The following MAN1C1 variants were observed in gnomAD, a reference collection of about 807,000 sequenced individuals.
The protein encoded by MAN1C1 is mannosyl-oligosaccharide 1,2-alpha-mannosidase IC.
Under a neutral mutation model 71.5 loss-of-function variants are expected in MAN1C1, and 49 were observed. That is an observed-to-expected ratio of 0.69 (90% CI 0.54 to 0.87). MAN1C1 has a LOEUF of 0.87. Among genes scored for constraint, MAN1C1 ranks in the 40% least tolerant of loss-of-function variants. The probability of loss-of-function intolerance (pLI) is 0.00; values close to 1 mark genes in which losing one functional copy is unlikely to be tolerated. For synonymous variants in MAN1C1, 352 were observed against 343.7 expected, an observed-to-expected ratio of 1.02 and a Z score of -0.27; for missense variants, 743 against 835.0, an observed-to-expected ratio of 0.89 and a Z score of 1.36.
At chr1:25,683,022 A>G (rs2786879) in intron 1 of MAN1C1, among the ~76,000 whole-genome samples, 12,053 of 149,540 alleles carry the variant, frequency 0.081, 690 homozygotes, top group African/African-American at 0.16. Flanking sequence ...TGGACAGCAG[A>G]GTGAGACTCC....
intron 1 of MAN1C1, among the ~76,000 whole-genome samples, chr1:25,619,627 T>G (rs190067109): frequency 7.2e-5 from 11 of 152,318 alleles, no homozygotes; most frequent in Admixed American, 7.2e-4. Flanking sequence ...GGAAACTGAG[T>G]GCTTGGTGTG....
chr1:25,761,441 A>G (rs2124372546), intron 6 of MAN1C1: 1 of 152,258 alleles, frequency 6.6e-6, no homozygotes, highest in East Asian at 1.9e-4. Flanking sequence ...TGAATACTTA[A>G]GTTAGCAACA....
At chr1:25,770,667 T>C (rs2047537659) in intron 7 of MAN1C1, among the ~76,000 whole-genome samples, 1 of 152,166 alleles carries the variant, frequency 6.6e-6, no homozygotes. Context: ...TGGCCCACAA[T>C]AAATGGTAGC....
intron 1 of MAN1C1, among the ~76,000 whole-genome samples, chr1:25,652,344 T>A (rs540034804): frequency 3.3e-5 from 5 of 152,362 alleles, no homozygotes; most frequent in African/African-American, 1.2e-4. Context: ...GCTGGAACTC[T>A]TGTAAGGATC....
intron 1 of MAN1C1, among the ~76,000 whole-genome samples, chr1:25,681,151 G>A (rs377053662): frequency 2.0e-5 from 3 of 151,590 alleles, no homozygotes; most frequent in African/African-American, 4.8e-5. Context: ...GCTTGAACCC[G>A]GCAGGTGGAG....
At chr1:25,665,146 G>A (rs1338478040) in intron 1 of MAN1C1, among the ~76,000 whole-genome samples, 1 of 152,106 alleles carries the variant, frequency 6.6e-6, no homozygotes, top group Non-Finnish European at 1.5e-5. Flanking sequence ...TTTGTGTTAC[G>A]ATCTATTGTA....
intron 1 of MAN1C1, among the ~76,000 whole-genome samples, chr1:25,664,865 T>G (rs3014712): frequency 0.43 from 64,780 of 152,178 alleles, 18,426 homozygotes; most frequent in African/African-American, 0.79. Context: ...TCTCCAGCCA[T>G]TGCTACTTGG....
At chr1:25,700,893 A>G (rs1366211683) in intron 2 of MAN1C1, among the ~76,000 whole-genome samples, 1 of 152,130 alleles carries the variant, frequency 6.6e-6, no homozygotes, top group Non-Finnish European at 1.5e-5. Flanking sequence ...GCAGGCTTGG[A>G]AGGAAGAGGC....
rs1317672174 is a variant in MAN1C1 at position 25,775,467 on chromosome 1, G to A, written c.1258-2638G>A. Among the ~76,000 whole-genome samples the A allele has an allele frequency of 6.6e-6, 1 of 152,256 alleles. No individual in the cohort carries two copies. Among genetic ancestry groups the A allele is most frequent in the East Asian group, 1.9e-4 (1 of 5,204 alleles). Reference sequence around the variant, plus strand: ...AAAACAGACCCAGGAGTGAGCGAGTGTTCCTTGAGCATCTTCTGTGTGTCG... The same window carrying A: ...AAAACAGACCCAGGAGTGAGCGAGTATTCCTTGAGCATCTTCTGTGTGTCG... On this transcript the variant is annotated intron_variant, in intron 8 of 11. Transcript: ENST00000374332. The surrounding 1 kb of genome is among the most constrained non-coding windows in gnomAD (Gnocchi z 5.1).
At chr1:25,736,594 A>C (rs939338949) in intron 2 of MAN1C1, among the ~76,000 whole-genome samples, 1 of 152,060 alleles carries the variant, frequency 6.6e-6, no homozygotes, top group African/African-American at 2.4e-5. Context: ...TGGCGCCATC[A>C]CAGCTCACTG....
At chr1:25,623,454 T>TGGG (rs3835658) in intron 1 of MAN1C1, among the ~76,000 whole-genome samples, 7 of 149,362 alleles carry the variant, frequency 4.7e-5, no homozygotes, top group African/African-American at 1.7e-4. Flanking sequence ...TTAGTGGTGG[T>TGGG]GGGGGGGGGT....
intron 2 of MAN1C1, among the ~76,000 whole-genome samples, chr1:25,687,438 C>T (rs564561251): frequency 1.2e-4 from 19 of 152,276 alleles, no homozygotes; most frequent in African/African-American, 4.6e-4. Flanking sequence ...CCTCCATCTC[C>T]CCTGAGGGAC....
At chr1:25,644,164 C>T (rs930963131) in intron 1 of MAN1C1, among the ~76,000 whole-genome samples, 4 of 152,002 alleles carry the variant, frequency 2.6e-5, no homozygotes, top group South Asian at 4.2e-4. Context: ...CTGAAGATGA[C>T]GTGAGCCATG....
chr1:25,672,895 G>A (rs962928714), intron 1 of MAN1C1, among the ~76,000 whole-genome samples: 1 of 152,154 alleles, frequency 6.6e-6, no homozygotes, highest in Non-Finnish European at 1.5e-5. Context: ...TGGGGCTGGC[G>A]GTTGGAGGCT....
intron 1 of MAN1C1, among the ~76,000 whole-genome samples, chr1:25,632,859 A>G (rs1248118363): frequency 1.4e-5 from 2 of 145,198 alleles, no homozygotes; most frequent in Admixed American, 7.1e-5. Context: ...ACTTGATACA[A>G]TTTTGATTTT....
intron 1 of MAN1C1, among the ~76,000 whole-genome samples, chr1:25,633,838 G>GT (rs1057149944): frequency 1.1e-4 from 16 of 152,022 alleles, no homozygotes; most frequent in African/African-American, 3.4e-4. Context: ...TAGATGCTTG[G>GT]TTTTTTTCTA....
intron 1 of MAN1C1, among the ~76,000 whole-genome samples, chr1:25,651,850 G>A (rs2045697074): frequency 6.6e-6 from 1 of 152,222 alleles, no homozygotes; most frequent in Non-Finnish European, 1.5e-5. Flanking sequence ...TAGGTTGTAA[G>A]GTTTAGAAAA....
intron 2 of MAN1C1, among the ~76,000 whole-genome samples, chr1:25,702,242 T>A (rs902394649): frequency 3.4e-4 from 52 of 152,274 alleles, no homozygotes; most frequent in Middle Eastern, 3.4e-3. Flanking sequence ...GGCAAGCCGC[T>A]TCTCATTCTT....
rs781556001 is a variant in MAN1C1, at chr1:25,778,173, G to C, written c.1326G>C (p.Gly442=). 4.3e-6 allele frequency: 7 copies of C among 1,610,892 alleles called. No homozygotes were observed. Among genetic ancestry groups the C allele is most frequent in the Middle Eastern group, 3.3e-4 (2 of 6,032 alleles). The change falls in exon 9 of 12, where the codon GGG becomes GGC. Residue 442 remains glycine, a synonymous_variant. Coordinates refer to ENST00000374332, the MANE Select transcript of MAN1C1 (RefSeq NM_020379.4). This position sits in a 1 kb window ranked among gnomAD's most constrained non-coding sequence, Gnocchi z 5.5. Reference sequence around the variant, plus strand: ...CCTACATTGCCGAGTGGCGAGGGGGGATTCTGGACCACAAGATGGGGCACC... The same window carrying C: ...CCTACATTGCCGAGTGGCGAGGGGGCATTCTGGACCACAAGATGGGGCACC... ...GLTYIAEWRG[G]ILDHKMGHLA... is the part of the protein sequence containing the mutation.
Sources: allele counts gnomAD v4.1 joint callset (sites outside exome capture counted in the v4.1 genomes callset), GRCh38; gene constraint gnomAD v4.1.1; non-coding constraint Gnocchi (gnomAD v3.1); transcripts MANE v1.5; gene names NCBI Gene and HGNC (gene_info 2026-07-23, HGNC 2026-07-21).